Variants in USP8 observed in about 807,000 individuals in gnomAD.
The protein encoded by USP8 is ubiquitin specific peptidase 8.
Under a neutral mutation model 130.0 loss-of-function variants are expected in USP8, and 27 were observed. The observed-to-expected ratio is 0.21, with a 90% CI of 0.15 to 0.29. The LOEUF (loss-of-function observed/expected upper bound fraction) is 0.29. Ranked by LOEUF, USP8 falls within the 10% of genes least tolerant of loss-of-function variation. USP8 has a pLI of 1.00. For missense variants in USP8, 1,029 were observed against 1,312.2 expected (o/e 0.78, Z 3.33); for synonymous variants, 392 against 444.1 (o/e 0.88, Z 1.48).
chr15:50,509,613 A>C lies in USP8; in HGVS notation c.*10525A>C, dbSNP rs992373027. On this transcript the variant is annotated 3_prime_UTR_variant, in exon 20 of 20. Transcript: ENST00000307179. ...CCGTGAGCTGAGATCGTGCCATTGC[A>C]CTCCAGCCTGGGCGACAGAGCGAGA... 1 of 151,800 alleles carries C rather than the reference A, an allele frequency of 6.6e-6. No individual in the cohort carries two copies. The highest frequency in any genetic ancestry group is 2.4e-5 in the African/African-American group (1 of 41,286). 9.4% of individuals were successfully genotyped at this position (151,800 alleles called of 1,614,324 possible). A position where few individuals can be genotyped will look rare whatever the true frequency, so the allele number is the denominator to read the frequency against.
At chr15:50,462,830 C>G (rs931316014) in intron 6 of USP8, among the ~76,000 whole-genome samples, 1 of 152,126 alleles carries the variant, frequency 6.6e-6, no homozygotes, top group African/African-American at 2.4e-5. Flanking sequence ...TCTTAGAATA[C>G]ATGGTAAACT....
rs145007961 is a variant in USP8 at position 50,452,043 on chromosome 15, C to G, written c.335+2558C>G. Among the ~76,000 whole-genome samples the G allele has an allele frequency of 5.8e-3, 876 of 152,266 alleles. 7 individuals are homozygous for G. Among genetic ancestry groups the G allele is most frequent in the Middle Eastern group, 0.034 (10 of 294 alleles). ...CTGTCCTAGGGGTGGCCGCATGGTC[C>G]CAGGTGCGGCCGCTATAGACATAGC... is the stretch of plus-strand genomic sequence containing the variant. On this transcript the variant is annotated intron_variant, in intron 4 of 19. Coordinates refer to ENST00000307179, the MANE Select transcript of USP8 (RefSeq NM_005154.5).
chr15:50,436,883 T>C (rs1326271244), intron 1 of USP8, among the ~76,000 whole-genome samples: 3 of 152,262 alleles, frequency 2.0e-5, no homozygotes, highest in Non-Finnish European at 4.4e-5. Flanking sequence ...TTGACCAGGC[T>C]GGACTTGAAC....
intron 1 of USP8, among the ~76,000 whole-genome samples, chr15:50,426,412 G>A (rs2049726242): frequency 6.6e-6 from 1 of 152,146 alleles, no homozygotes; most frequent in Non-Finnish European, 1.5e-5. Flanking sequence ...AAAACATAGT[G>A]ACTTAAAACT....
chr15:50,450,518 C>T (rs1164871897), intron 4 of USP8, among the ~76,000 whole-genome samples: 1 of 126,120 alleles, frequency 7.9e-6, no homozygotes, highest in Non-Finnish European at 1.6e-5. Flanking sequence ...GTTTCCCAGG[C>T]TGGAGTACAA....
Position 50,500,974 on chromosome 15 carries a change from A to G in USP8, c.*1886A>G, listed in dbSNP as rs1232152946. 1 of 716,898 alleles carries G rather than the reference A, an allele frequency of 1.4e-6. No homozygotes were observed. Among genetic ancestry groups the G allele is most frequent in the Non-Finnish European group, 2.4e-6 (1 of 420,772 alleles). 44.4% of individuals were successfully genotyped at this position (716,898 alleles called of 1,614,324 possible). A position where few individuals can be genotyped will look rare whatever the true frequency, so the allele number is the denominator to read the frequency against. On this transcript the variant is annotated 3_prime_UTR_variant, in exon 20 of 20. Transcript: ENST00000307179. The stretch of plus-strand genomic sequence containing the variant: ...AAGGAAGTGATAATTTTGTTGTTAA[A>G]TCATGCATATAGCCTGACTGCTATA...
chr15:50,432,021 A>G (rs1453138303), intron 1 of USP8, among the ~76,000 whole-genome samples: 2 of 152,148 alleles, frequency 1.3e-5, no homozygotes, highest in Non-Finnish European at 2.9e-5. Flanking sequence ...TCTCTCTCTC[A>G]TCACATCATC....
chr15:50,500,692 C>G lies in USP8; in HGVS notation c.*1604C>G. The G allele has an allele frequency of 7.1e-7, 1 of 1,400,290 alleles. No individual in the cohort carries two copies. The highest frequency in any genetic ancestry group is 9.9e-7 in the Non-Finnish European group (1 of 1,010,616). The allele number at this position is 1,400,290 out of a possible 1,614,324, so 86.7% of individuals were successfully genotyped here. A position where few individuals can be genotyped will look rare whatever the true frequency, so the allele number is the denominator to read the frequency against. The stretch of plus-strand genomic sequence containing the variant: ...TATTGGTATGGAAAAGGGCTGGCAG[C>G]TATAGAACAGGAGATCCATAGCATT... On this transcript the variant is annotated 3_prime_UTR_variant, in exon 20 of 20. Transcript: ENST00000307179.
At chr15:50,431,471 T>A (rs1005864738) in intron 1 of USP8, among the ~76,000 whole-genome samples, 5 of 152,146 alleles carry the variant, frequency 3.3e-5, no homozygotes, top group African/African-American at 1.2e-4. Context: ...CATAATATAA[T>A]TTAGTTATTC....
intron 2 of USP8, 143 bp downstream of exon 2, chr15:50,439,320 T>G: frequency 1.8e-6 from 1 of 559,978 alleles, no homozygotes. Context: ...GAGAAAGTTG[T>G]AATGTAATCG....
intron 11 of USP8, among the ~76,000 whole-genome samples, chr15:50,482,879 A>G (rs1163519816): frequency 1.3e-5 from 2 of 152,198 alleles, no homozygotes; most frequent in Non-Finnish European, 2.9e-5. Flanking sequence ...CTCAAACACA[A>G]TTCAGGCATG....
intron 19 of USP8, 84 bp from the exon 20 acceptor site, chr15:50,498,819 C>A: frequency 6.5e-7 from 1 of 1,542,446 alleles, no homozygotes; most frequent in South Asian, 1.3e-5. Flanking sequence ...AGAGTAAGAA[C>A]AACATAAAGC....
rs116006866 is a variant in USP8 at position 50,484,406 on chromosome 15, A to G, written c.1890+45A>G. On this transcript the variant is annotated intron_variant, in intron 12 of 19. Transcript: ENST00000307179. ...AAAAAACTGGAAAAAAAAGCCAAAC[A>G]TGGATTATAACTATGTGATTATCTT... 41 of 1,434,512 alleles carry G rather than the reference A, an allele frequency of 2.9e-5. No homozygotes were observed. The African/African-American group carries it at 5.5e-4, about 19-fold the overall frequency. 88.9% of individuals were successfully genotyped at this position (1,434,512 alleles called of 1,614,324 possible).
chr15:50,462,339 G>T lies in USP8; in HGVS notation c.541+17G>T, dbSNP rs2051036579. On this transcript the variant is annotated intron_variant, in intron 6 of 19. Transcript: ENST00000307179. ...AAGAGAAAGGTAAGTGTGTACAGAA[G>T]GAGGAAGTTGTTTTAGGTTCTGACT... 6.3e-7 allele frequency: 1 copy of T among 1,587,626 alleles called. No individual in the cohort carries two copies. The highest frequency in any genetic ancestry group is 8.5e-7 in the Non-Finnish European group (1 of 1,172,254).
intron 10 of USP8, among the ~76,000 whole-genome samples, chr15:50,478,613 G>A (rs1415748991): frequency 6.6e-6 from 1 of 152,126 alleles, no homozygotes; most frequent in East Asian, 1.9e-4. Context: ...CTTAAAGGGT[G>A]AATTTAGGAA....
rs911102580 is a variant in USP8, at chr15:50,503,658, G to C, written c.*4570G>C. 6.6e-6 allele frequency: 1 copy of C among 152,200 alleles called. No individual in the cohort carries two copies. Among genetic ancestry groups the C allele is most frequent in the Non-Finnish European group, 1.5e-5 (1 of 68,048 alleles). 9.4% of individuals were successfully genotyped at this position (152,200 alleles called of 1,614,324 possible). A position where few individuals can be genotyped will look rare whatever the true frequency, so the allele number is the denominator to read the frequency against. ...TCACCATAGACCTACCTTTTCACCA[G>C]TTTGGGATTCAAATTTATACTACCT... On this transcript the variant is annotated 3_prime_UTR_variant, in exon 20 of 20. Transcript: ENST00000307179.
At chr15:50,446,683 C>T (rs898468233) in intron 3 of USP8, among the ~76,000 whole-genome samples, 1 of 152,188 alleles carries the variant, frequency 6.6e-6, no homozygotes, top group African/African-American at 2.4e-5. Flanking sequence ...AGTGAAGGGT[C>T]CTTCTAGTAT....
intron 18 of USP8, chr15:50,498,383 G>A (rs1359028985): frequency 1.1e-5 from 6 of 536,570 alleles, no homozygotes; most frequent in African/African-American, 3.9e-5. Flanking sequence ...TTGACCTTAG[G>A]CACATCATTA....
Position 50,499,224 on chromosome 15 carries a change from T to C in USP8, c.*136T>C. The C allele has an allele frequency of 1.3e-6, 1 of 757,304 alleles. No homozygotes were observed. Among genetic ancestry groups the C allele is most frequent in the Non-Finnish European group, 2.0e-6 (1 of 510,930 alleles). 46.9% of individuals were successfully genotyped at this position (757,304 alleles called of 1,614,324 possible). On this transcript the variant is annotated 3_prime_UTR_variant, in exon 20 of 20. Coordinates refer to ENST00000307179, the MANE Select transcript of USP8 (RefSeq NM_005154.5). ...ACAGTGGGAGCTGTGTTACTAGCAC[T>C]ATATAATTCCGGTCAGTGCTGACAA...
Sources: allele counts gnomAD v4.1 joint callset (sites outside exome capture counted in the v4.1 genomes callset), GRCh38; gene constraint gnomAD v4.1.1; transcripts MANE v1.5; gene names NCBI Gene and HGNC (gene_info 2026-07-23, HGNC 2026-07-21).